The following ZNF783 variants were observed in gnomAD, a reference collection of about 807,000 sequenced individuals.
The protein encoded by ZNF783 is protein ZNF783.
Under a neutral mutation model 31.3 loss-of-function variants are expected in ZNF783, and 25 were observed. The observed-to-expected ratio is 0.80, with a 90% CI of 0.58 to 1.11. The LOEUF is 1.11. Ranked by LOEUF, ZNF783 falls within the 50% of genes most tolerant of loss-of-function variation. The pLI is 0.00. For missense variants in ZNF783, 797 were observed against 760.0 expected (o/e 1.05, Z -0.57); for synonymous variants, 369 against 319.1 (o/e 1.16, Z -1.66).
intron 1 of ZNF783, among the ~76,000 whole-genome samples, chr7:149,262,701 C>T (rs1170138060): frequency 1.3e-5 from 2 of 152,106 alleles, no homozygotes; most frequent in Non-Finnish European, 2.9e-5. Context: ...GCAGGCTGGG[C>T]GGGCAGGGGC....
chr7:149,282,157 G>GCGCAT lies in ZNF783; in HGVS notation c.1457_1461dup (p.His488AlafsTer79). ...GGCCCTCGGACCTCTTCCGGCACCAGCGCATCCACACCGGTGAGCGGCCCT... is the reference window on the plus strand; with the variant it reads ...GGCCCTCGGACCTCTTCCGGCACCAGCGCATCGCATCCACACCGGTGAGCGGCCCT... On this transcript the variant is annotated frameshift_variant, in exon 6 of 6. Transcript: ENST00000434415. LOFTEE classifies it low-confidence loss of function (END_TRUNC). 1.2e-6 allele frequency: 2 copies of GCGCAT among 1,600,946 alleles called. No homozygotes were observed. Among genetic ancestry groups the GCGCAT allele is most frequent in the Non-Finnish European group, 1.7e-6 (2 of 1,179,522 alleles).
At chr7:149,269,045 C>T (rs1373159123) in intron 4 of ZNF783, among the ~76,000 whole-genome samples, 2 of 152,200 alleles carry the variant, frequency 1.3e-5, no homozygotes, top group African/African-American at 2.4e-5. Flanking sequence ...AGTGGCTGAA[C>T]TAACTTACAT....
At position 149,265,677 on chromosome 7, in the gene ZNF783, G is replaced by A. The variant is rs568753032; in HGVS notation, c.25-658G>A. Among the ~76,000 whole-genome samples the A allele has an allele frequency of 2.6e-5, 4 of 152,328 alleles. No individual in the cohort carries two copies. In the East Asian group the frequency reaches 7.7e-4, roughly 29 times the overall value. ...CAGATGGATATTGAGGGAGACACAA[G>A]CATTCATTCCATAGCAGTCAGTGTC... On this transcript the variant is annotated intron_variant, in intron 1 of 5. Coordinates refer to ENST00000434415, the MANE Select transcript of ZNF783 (RefSeq NM_001195220.2).
chr7:149,262,358 G>C lies in ZNF783; in HGVS notation c.24+1G>C. 1 of 1,317,824 alleles carries C rather than the reference G, an allele frequency of 7.6e-7. No individual in the cohort carries two copies. Among genetic ancestry groups the C allele is most frequent in the Non-Finnish European group, 9.7e-7 (1 of 1,030,636 alleles). 81.6% of individuals were successfully genotyped at this position (1,317,824 alleles called of 1,614,324 possible). A position where few individuals can be genotyped will look rare whatever the true frequency, so the allele number is the denominator to read the frequency against. On this transcript the variant is annotated splice_donor_variant, in intron 1 of 5. Transcript: ENST00000434415. LOFTEE classifies it high-confidence loss of function. ...CATGGCCGAAGCGGCGCCTGCCCGG[G>C]TAAGCGCCCTCGGCCCCGCGGACGC...
intron 4 of ZNF783, among the ~76,000 whole-genome samples, chr7:149,276,832 C>G (rs570972129): frequency 6.6e-6 from 1 of 151,938 alleles, no homozygotes; most frequent in East Asian, 1.9e-4. Context: ...CCACCATACT[C>G]GGCGTTTGGT....
chr7:149,273,066 C>A (rs891748557), intron 4 of ZNF783, among the ~76,000 whole-genome samples: 1 of 152,234 alleles, frequency 6.6e-6, no homozygotes, highest in African/African-American at 2.4e-5. Flanking sequence ...CATGTTGTTG[C>A]AGATGACAGG....
At position 149,282,139 on chromosome 7, in the gene ZNF783, G is replaced by A. The variant is rs369948275; in HGVS notation, c.1437G>A (p.Ser479=). The change falls in exon 6 of 6, where the codon TCG becomes TCA. Residue 479 remains serine (S), a synonymous_variant. Coordinates refer to ENST00000434415, the MANE Select transcript of ZNF783 (RefSeq NM_001195220.2). The stretch of plus-strand genomic sequence containing the variant: ...GCGGCAAGGCCTTCCGCCGGCCCTC[G>A]GACCTCTTCCGGCACCAGCGCATCC... ...PYCGKAFRRP[S]DLFRHQRIHT... 207 of 1,600,014 alleles carry A rather than the reference G, an allele frequency of 1.3e-4. No individual in the cohort carries two copies. In the African/African-American group the frequency reaches 2.4e-3, roughly 19 times the overall value.
chr7:149,271,047 T>G (rs1200651695), intron 4 of ZNF783, among the ~76,000 whole-genome samples: 1 of 152,190 alleles, frequency 6.6e-6, no homozygotes, highest in Non-Finnish European at 1.5e-5. Flanking sequence ...CATGCCATTC[T>G]CCTGCCTCAG....
intron 1 of ZNF783, among the ~76,000 whole-genome samples, chr7:149,265,428 C>T (rs575502845): frequency 1.3e-5 from 2 of 152,334 alleles, no homozygotes; most frequent in Admixed American, 6.5e-5. Context: ...CTGTCATTGT[C>T]TCAGTCTGCT....
intron 4 of ZNF783, among the ~76,000 whole-genome samples, chr7:149,274,040 A>G (rs1797269018): frequency 6.6e-6 from 1 of 151,852 alleles, no homozygotes; most frequent in Non-Finnish European, 1.5e-5. Flanking sequence ...CACTTTGTTG[A>G]TTGATTCCTT....
Position 149,273,573 on chromosome 7 carries a change from C to G in ZNF783, c.674-4826C>G, listed in dbSNP as rs569780750. Among the ~76,000 whole-genome samples the G allele has an allele frequency of 7.2e-4, 109 of 151,460 alleles. 1 individual carries two copies. The South Asian group carries it at 0.013, about 17-fold the overall frequency. ...TTTTTTTTTTTGAGATAGGGTCTCA[C>G]TCTGTTGCCCAGATGTGACAGGAGT... On this transcript the variant is annotated intron_variant, in intron 4 of 5. Coordinates refer to ENST00000434415, the MANE Select transcript of ZNF783 (RefSeq NM_001195220.2).
chr7:149,282,146 T>C lies in ZNF783; in HGVS notation c.1444T>C (p.Phe482Leu). ...GGCCTTCCGCCGGCCCTCGGACCTC[T>C]TCCGGCACCAGCGCATCCACACCGG... is the stretch of plus-strand genomic sequence containing the variant. ...GKAFRRPSDL[F>L]RHQRIHTGER... Residue 482 changes from phenylalanine (F) to leucine (L), a missense_variant, in exon 6 of 6, where the codon TTC becomes CTC. Transcript: ENST00000434415. 1.2e-6 allele frequency: 2 copies of C among 1,600,472 alleles called. No homozygotes were observed. Among genetic ancestry groups the C allele is most frequent in the South Asian group, 1.1e-5 (1 of 91,050 alleles).
chr7:149,270,651 T>C (rs1293353801), intron 4 of ZNF783, among the ~76,000 whole-genome samples: 1 of 152,236 alleles, frequency 6.6e-6, no homozygotes, highest in African/African-American at 2.4e-5. Flanking sequence ...CTTTAGCTAG[T>C]GGGAGCCTCT....
chr7:149,263,761 C>T (rs1184695822), intron 1 of ZNF783, among the ~76,000 whole-genome samples: 1 of 152,072 alleles, frequency 6.6e-6, no homozygotes, highest in East Asian at 1.9e-4. Context: ...TAGATGATAC[C>T]TACTATTATT....
chr7:149,263,597 A>T (rs1007541041), intron 1 of ZNF783, among the ~76,000 whole-genome samples: 1 of 152,130 alleles, frequency 6.6e-6, no homozygotes, highest in Non-Finnish European at 1.5e-5. Context: ...AGAAGGAAGA[A>T]TCACATCAGT....
intron 5 of ZNF783, among the ~76,000 whole-genome samples, chr7:149,279,639 T>G (rs1475867860): frequency 2.7e-5 from 4 of 147,170 alleles, no homozygotes; most frequent in Non-Finnish European, 3.0e-5. Context: ...TTTGTTTTTT[T>G]TTTTTTTTTT....
At chr7:149,267,249 G>A in intron 4 of ZNF783, 27 bp downstream of exon 4, 1 of 1,557,324 alleles carries the variant, frequency 6.4e-7, no homozygotes, top group Non-Finnish European at 8.6e-7. Context: ...GATGTGGTTG[G>A]GGGGCCGCCA....
intron 4 of ZNF783, among the ~76,000 whole-genome samples, chr7:149,268,982 C>T (rs1340485702): frequency 6.6e-6 from 1 of 152,168 alleles, no homozygotes; most frequent in African/African-American, 2.4e-5. Context: ...ATTGCTGGGT[C>T]AAATGGTAGT....
rs114697798 is a variant in ZNF783, at chr7:149,281,356, G to A, written c.803-149G>A. The stretch of plus-strand genomic sequence containing the variant: ...CGTGCAAGGCAGTGCCTGTGTGGCA[G>A]GGCTCAGTGAGCAGGACCCCTGCAA... On this transcript the variant is annotated intron_variant, in intron 5 of 5. Transcript: ENST00000434415. The A allele has an allele frequency of 1.3e-3, 696 of 545,974 alleles. 4 individuals carry two copies. Among genetic ancestry groups the A allele is most frequent in the African/African-American group, 0.012 (626 of 51,152 alleles). The allele number at this position is 545,974 out of a possible 1,614,324, so 33.8% of individuals were successfully genotyped here.
Sources: gnomAD v4.1 joint callset for allele counts (sites outside exome capture counted in the v4.1 genomes callset) on GRCh38, gnomAD v4.1.1 for gene constraint, MANE v1.5 for transcripts, NCBI Gene and HGNC (gene_info 2026-07-23, HGNC 2026-07-21) for gene names.